Variants in TNK2 observed in about 807,000 individuals in gnomAD.
TNK2 encodes tyrosine kinase non receptor 2.
In TNK2, 83 loss-of-function variants were observed where a neutral mutation model predicts 101.8. That is an observed-to-expected ratio of 0.82 (90% CI 0.68 to 0.98). The LOEUF is 0.98. TNK2 is among the 50% of genes least tolerant of loss of function. The pLI, the probability that TNK2 is intolerant of heterozygous loss-of-function variation, is 0.00. For synonymous variants in TNK2, 804 were observed against 633.0 expected (o/e 1.27, Z -4.06); for missense variants, 1,665 against 1,483.2 (o/e 1.12, Z -2.01).
chr3:195,898,762 A>G (rs1357703885), intron 1 of TNK2, among the ~76,000 whole-genome samples: 3 of 152,128 alleles, frequency 2.0e-5, no homozygotes, highest in East Asian at 3.9e-4. Flanking sequence ...AGTAGCTGGG[A>G]TGACAAGCAC....
Position 195,888,145 on chromosome 3 carries a change from G to C in TNK2, c.163+281C>G, listed in dbSNP as rs779808609. ...ACTCAATTCGATGCTTATGAAGGAGGGGCAATGGAGGACATACACTCTACG... is the reference window on the plus strand; with the variant it reads ...ACTCAATTCGATGCTTATGAAGGAGCGGCAATGGAGGACATACACTCTACG... On this transcript the variant is annotated intron_variant, in intron 2 of 15. Coordinates refer to ENST00000672887, the MANE Select transcript of TNK2 (RefSeq NM_001382273.1). The surrounding 1 kb of genome is among the most constrained non-coding windows in gnomAD (Gnocchi z 5.3). Among the ~76,000 whole-genome samples the C allele has an allele frequency of 6.6e-6, 1 of 152,116 alleles. No individual in the cohort carries two copies.
In TNK2 at chr3:195,882,247, G is replaced by A. The variant is rs565283012; in HGVS notation, c.691C>T (p.Arg231Cys). 1.1e-5 allele frequency: 17 copies of A among 1,613,744 alleles called. No homozygotes were observed. The highest frequency in any genetic ancestry group is 5.0e-5 in the Admixed American group (3 of 60,020). Residue 231 changes from arginine (R) to cysteine (C), a missense_variant, in exon 6 of 16, where the codon CGC (arginine) becomes TGC (cysteine). Physicochemically the swap from Arg to Cys is radical, Grantham distance 180. Around this residue, in one of 3 missense-constraint regions of TNK2, gnomAD observed 490 missense variants for 522.5 expected, o/e 0.94. Coordinates refer to ENST00000672887, the MANE Select transcript of TNK2 (RefSeq NM_001382273.1). This position sits in a 1 kb window ranked among gnomAD's most constrained non-coding sequence, Gnocchi z 4.2. The stretch of plus-strand genomic sequence containing the variant: ...CCCTCAGCCACCTGCACAGCGTAGC[G>A]GCTCAGAGTCCCCAGGAGGAAGTGG... ...QGHFLLGTLS[R>C]YAVQVAEGMG...
Position 195,885,213 on chromosome 3 carries a change from C to CA in TNK2, c.235-181dup. The stretch of plus-strand genomic sequence containing the variant: ...CCACACTCCGTCCAGGGCACACCCC[C>CA]AAACATGAACCCAAAGCCTGATGCT... On this transcript the variant is annotated intron_variant, in intron 3 of 15. Transcript: ENST00000672887. This position sits in a 1 kb window ranked among gnomAD's most constrained non-coding sequence, Gnocchi z 4.7. The CA allele has an allele frequency of 9.9e-7, 1 of 1,011,370 alleles. No individual in the cohort carries two copies. The highest frequency in any genetic ancestry group is 2.9e-5 in the Admixed American group (1 of 34,352). 62.6% of individuals were successfully genotyped at this position (1,011,370 alleles called of 1,614,324 possible). A position where few individuals can be genotyped will look rare whatever the true frequency, so the allele number is the denominator to read the frequency against.
chr3:195,879,242 A>G, intron 6 of TNK2, 67 bp from the exon 7 acceptor site: 1 of 1,595,134 alleles, frequency 6.3e-7, no homozygotes, highest in Non-Finnish European at 8.5e-7. Flanking sequence ...CCAGGGACTT[A>G]AAACACTCAT....
Position 195,885,245 on chromosome 3 carries a change from A to C in TNK2, c.235-212T>G. 2.8e-6 allele frequency: 3 copies of C among 1,066,268 alleles called. No individual in the cohort carries two copies. The highest frequency in any genetic ancestry group is 3.9e-6 in the Non-Finnish European group (3 of 763,424). The allele number at this position is 1,066,268 out of a possible 1,614,324, so 66.1% of individuals were successfully genotyped here. On this transcript the variant is annotated intron_variant, in intron 3 of 15. Coordinates refer to ENST00000672887, the MANE Select transcript of TNK2 (RefSeq NM_001382273.1). The surrounding 1 kb of genome is among the most constrained non-coding windows in gnomAD (Gnocchi z 4.7). Reference sequence around the variant, plus strand: ...GAACCCAAAGCCTGATGCTGGCCTCAAGGAGGGTGCCAGAAAGAGACCGAC... The same window carrying C: ...GAACCCAAAGCCTGATGCTGGCCTCCAGGAGGGTGCCAGAAAGAGACCGAC...
intron 11 of TNK2, 140 bp downstream of exon 11, chr3:195,869,974 G>A (rs1743852267): frequency 1.5e-6 from 1 of 679,578 alleles, no homozygotes. Flanking sequence ...GCCGGAGCCA[G>A]GGACACAGCT....
At position 195,867,225 on chromosome 3, in the gene TNK2, G is replaced by C. The variant is rs1741475660; in HGVS notation, c.2977C>G (p.Gln993Glu). 2 of 1,612,918 alleles carry C rather than the reference G, an allele frequency of 1.2e-6. No individual in the cohort carries two copies. Among genetic ancestry groups the C allele is most frequent in the African/African-American group, 2.7e-5 (2 of 74,938 alleles). ...MVHGVTTEECQAALQCHGWSV... is the reference protein window; with the variant it reads ...MVHGVTTEECEAALQCHGWSV... Reference sequence around the variant, plus strand: ...CAGCCGTGGCACTGCAGGGCCGCCTGGCACTCCTCTGTGGTCACCCCATGC... The same window carrying C: ...CAGCCGTGGCACTGCAGGGCCGCCTCGCACTCCTCTGTGGTCACCCCATGC... The change falls in exon 14 of 16, where the codon CAG becomes GAG. Residue 993 changes from glutamine to glutamate, a missense_variant. Around this residue, in one of 3 missense-constraint regions of TNK2, gnomAD observed 1,136 missense variants for 894.9 expected, o/e 1.27. Coordinates refer to ENST00000672887, the MANE Select transcript of TNK2 (RefSeq NM_001382273.1).
chr3:195,864,176 G>C lies in TNK2; in HGVS notation c.*5C>G, dbSNP rs200408614. The C allele has an allele frequency of 1.2e-6, 2 of 1,613,982 alleles. No individual in the cohort carries two copies. Among genetic ancestry groups the C allele is most frequent in the Middle Eastern group, 1.7e-4 (1 of 6,060 alleles). ...AGGCAGGCCCTCTGGCTCTCCAGAC[G>C]CATCTCAGCGCCTAGAGAATGGGAA... On this transcript the variant is annotated 3_prime_UTR_variant, in exon 16 of 16. Transcript: ENST00000672887.
chr3:195,875,939 G>C (rs1401663094), intron 9 of TNK2, among the ~76,000 whole-genome samples: 2 of 152,196 alleles, frequency 1.3e-5, no homozygotes, highest in East Asian at 1.9e-4. Context: ...GCCGAAGGTA[G>C]TCCAGAAATG....
chr3:195,887,594 T>C (rs1207928462), intron 2 of TNK2, among the ~76,000 whole-genome samples: 2 of 152,234 alleles, frequency 1.3e-5, no homozygotes, highest in African/African-American at 4.8e-5. Flanking sequence ...TATTACCTAT[T>C]TAGCTATTTT....
intron 1 of TNK2, among the ~76,000 whole-genome samples, chr3:195,902,619 AAAAAAAAAAAC>A (rs1285503583): frequency 9.2e-5 from 12 of 130,984 alleles, no homozygotes; most frequent in African/African-American, 3.2e-4. Context: ...CTCCGTCTCA[AAAAAAAAAAAC>A]AAAAAAAAAC....
At position 195,868,224 on chromosome 3, in the gene TNK2, C is replaced by T. The variant is rs764388669; in HGVS notation, c.2074G>A (p.Ala692Thr). The change falls in exon 13 of 16, where the codon GCG becomes ACG. Residue 692 changes from alanine to threonine, a missense_variant. This residue lies in a region of TNK2 where 1,136 missense variants were observed against 894.9 expected (regional missense o/e 1.27). Coordinates refer to ENST00000672887, the MANE Select transcript of TNK2 (RefSeq NM_001382273.1). ...QTNYAFVPEQ[A>T]RPPPPLEDNL... The stretch of plus-strand genomic sequence containing the variant: ...TCCTCCAGGGGAGGGGGCGGCCGCG[C>T]CTGCTCAGGCACAAAGGCGTAGTTG... The T allele has an allele frequency of 1.6e-5, 26 of 1,606,188 alleles. No homozygotes were observed. Among genetic ancestry groups the T allele is most frequent in the Admixed American group, 3.3e-5 (2 of 59,856 alleles).
In TNK2 at chr3:195,867,387, C is replaced by A; in HGVS notation, c.2911G>T (p.Gly971Cys). ...RGCPGDGPEA[G>C]RPADKIQMLQ... The stretch of plus-strand genomic sequence containing the variant: ...ATCTGGATCTTGTCTGCTGGCCGGC[C>A]CGCCTCTGGCCCATCGCCAGGGCAG... Residue 971 changes from glycine to cysteine, a missense_variant, in exon 13 of 16, where the codon GGC becomes TGC. Coordinates refer to ENST00000672887, the MANE Select transcript of TNK2 (RefSeq NM_001382273.1). 6.2e-7 allele frequency: 1 copy of A among 1,605,928 alleles called. No homozygotes were observed. The highest frequency in any genetic ancestry group is 8.5e-7 in the Non-Finnish European group (1 of 1,178,088).
chr3:195,893,090 G>C (rs1224781520), intron 1 of TNK2, among the ~76,000 whole-genome samples: 17 of 151,934 alleles, frequency 1.1e-4, no homozygotes, highest in Admixed American at 1.1e-3. Flanking sequence ...CTCCCTCATG[G>C]ACCTGTGTGG....
At position 195,883,277 on chromosome 3, in the gene TNK2, A is replaced by G. The variant is rs370771145; in HGVS notation, c.489T>C (p.Asp163=). 3.3e-5 allele frequency: 53 copies of G among 1,613,246 alleles called. No individual in the cohort carries two copies. Among genetic ancestry groups the G allele is most frequent in the Admixed American group, 1.2e-4 (7 of 59,998 alleles). ...CCATGGCTTCTGGCTGGCTCAGGACATCGGGCTTCAGGCACTTCACAGCCA... is the reference window on the plus strand; with the variant it reads ...CCATGGCTTCTGGCTGGCTCAGGACGTCGGGCTTCAGGCACTTCACAGCCA... The part of the protein sequence containing the change: ...VSVAVKCLKP[D]VLSQPEAMDD... Residue 163 remains aspartate (D), a synonymous_variant, in exon 5 of 16, where the codon GAT becomes GAC. Coordinates refer to ENST00000672887, the MANE Select transcript of TNK2 (RefSeq NM_001382273.1).
At chr3:195,872,763 T>G (rs1015401478) in intron 9 of TNK2, 1 of 386,206 alleles carries the variant, frequency 2.6e-6, no homozygotes, top group Non-Finnish European at 4.7e-6. Flanking sequence ...ACATGACCTG[T>G]CCACGGTTAC....
intron 1 of TNK2, chr3:195,894,328 G>A (rs1411988320): frequency 6.6e-6 from 1 of 152,262 alleles, no homozygotes; most frequent in Non-Finnish European, 1.5e-5. Flanking sequence ...TGGATGTCCA[G>A]TAAGAACAAG....
chr3:195,887,186 C>T, intron 2 of TNK2, 139 bp from the exon 3 acceptor site: 1 of 800,292 alleles, frequency 1.2e-6, no homozygotes. Flanking sequence ...CCCCAACTAA[C>T]CCGGAGCCTC....
At chr3:195,906,749 CATT>C (rs1008454871) in intron 1 of TNK2, among the ~76,000 whole-genome samples, 16 of 152,116 alleles carry the variant, frequency 1.1e-4, no homozygotes. Context: ...TACCATATGT[CATT>C]ATATCTCAAT....
Sources: gnomAD v4.1 joint callset for allele counts (sites outside exome capture counted in the v4.1 genomes callset) on GRCh38, gnomAD v4.1.1 for gene constraint, gnomAD v4.1.1 regional missense constraint, Gnocchi (gnomAD v3.1) non-coding constraint, MANE v1.5 for transcripts, NCBI Gene and HGNC (gene_info 2026-07-23, HGNC 2026-07-21) for gene names.